PCOLCE: variants seen among roughly 807,000 people sequenced by gnomAD.
PCOLCE encodes procollagen C-endopeptidase enhancer 1.
A neutral mutation model predicts 47.2 loss-of-function variants in PCOLCE; 33 were observed. That is an observed-to-expected ratio of 0.70 (90% CI 0.53 to 0.93). The LOEUF is 0.93. Ranked by LOEUF, PCOLCE falls within the 40% of genes least tolerant of loss-of-function variation. The pLI is 0.00. For missense variants in PCOLCE, 584 were observed against 585.3 expected, an observed-to-expected ratio of 1.00 and a Z score of 0.02; for synonymous variants, 254 against 252.5, an observed-to-expected ratio of 1.01 and a Z score of -0.06.
At position 100,604,105 on chromosome 7, in the gene PCOLCE, T is replaced by G; in HGVS notation, c.351T>G (p.Pro117=). The G allele has an allele frequency of 1.2e-6, 2 of 1,611,100 alleles. No homozygotes were observed. The highest frequency in any genetic ancestry group is 1.7e-6 in the Non-Finnish European group (2 of 1,179,982). ...GACGCTTTTGTGGGACCTTCCGGCC[T>G]GCGCCCCTAGTCGCCCCCGGCAACC... ...RLGRFCGTFR[P]APLVAPGNQV... The change falls in exon 3 of 9, where the codon CCT becomes CCG. Residue 117 remains proline (P), a synonymous_variant. Coordinates refer to ENST00000223061, the MANE Select transcript of PCOLCE (RefSeq NM_002593.4). The surrounding 1 kb of genome is among the most constrained non-coding windows in gnomAD (Gnocchi z 6.4).
At chr7:100,607,392 T>C (rs977685879) in intron 6 of PCOLCE, 60 bp from the exon 7 acceptor site, 11 of 1,342,578 alleles carry the variant, frequency 8.2e-6, no homozygotes, top group Admixed American at 5.1e-5. Context: ...GAGGCTGTTA[T>C]GGGGACAGTG....
Position 100,605,296 on chromosome 7 carries a change from A to T in PCOLCE, c.588+81A>T, listed in dbSNP as rs1279128981. Reference sequence around the variant, plus strand: ...TGCAGCCAGCAGAGATTTATTGAAGATCTGCTGTGTCCCGAGCACTGCGCT... The same window carrying T: ...TGCAGCCAGCAGAGATTTATTGAAGTTCTGCTGTGTCCCGAGCACTGCGCT... On this transcript the variant is annotated intron_variant, in intron 4 of 8. Transcript: ENST00000223061. The surrounding 1 kb of genome is among the most constrained non-coding windows in gnomAD (Gnocchi z 6.1). 2 of 1,419,724 alleles carry T rather than the reference A, an allele frequency of 1.4e-6. No individual in the cohort carries two copies. The highest frequency in any genetic ancestry group is 1.9e-6 in the Non-Finnish European group (2 of 1,034,232). The allele number at this position is 1,419,724 out of a possible 1,614,324, so 87.9% of individuals were successfully genotyped here. A position where few individuals can be genotyped will look rare whatever the true frequency, so the allele number is the denominator to read the frequency against.
Position 100,603,951 on chromosome 7 carries a change from G to A in PCOLCE, c.205-8G>A, listed in dbSNP as rs1384361912. The A allele has an allele frequency of 8.8e-6, 14 of 1,599,576 alleles. No individual in the cohort carries two copies. The highest frequency in any genetic ancestry group is 1.2e-5 in the Non-Finnish European group (14 of 1,179,096). On this transcript the variant is annotated splice_region_variant and splice_polypyrimidine_tract_variant and intron_variant, in intron 2 of 8. Coordinates refer to ENST00000223061, the MANE Select transcript of PCOLCE (RefSeq NM_002593.4). ...TCTGTGGGTCCCCGCCTCTGTCCCC[G>A]CTATCAGGTCCCCGAGGGCCAGACT... is the stretch of plus-strand genomic sequence containing the variant.
rs140195402 is a variant in PCOLCE, at chr7:100,605,690, C to G, written c.603C>G (p.Thr201=). The G allele has an allele frequency of 1.0e-5, 16 of 1,583,530 alleles. No individual in the cohort carries two copies. The highest frequency in any genetic ancestry group is 3.3e-4 in the Middle Eastern group (2 of 6,024). ...IAPPDQVIAL[T]FEKFDLEPDT... is the part of the protein sequence containing the mutation. The stretch of plus-strand genomic sequence containing the variant: ...CCCGCCGCCAGGTCATCGCGCTGAC[C>G]TTCGAGAAGTTTGACCTGGAGCCGG... Residue 201 remains threonine (T), a synonymous_variant, in exon 5 of 9, where the codon ACC becomes ACG. Transcript: ENST00000223061. This position sits in a 1 kb window ranked among gnomAD's most constrained non-coding sequence, Gnocchi z 6.1.
At position 100,603,044 on chromosome 7, in the gene PCOLCE, T is replaced by TC. The variant is rs1243574806; in HGVS notation, c.96-379dup. On this transcript the variant is annotated intron_variant, in intron 1 of 8. Transcript: ENST00000223061. ...CAGCTCCCTCCATCTCTCCACCCCCTCCCCCCCACCGCCTCGTGGCTGTGT... is the reference window on the plus strand; with the variant it reads ...CAGCTCCCTCCATCTCTCCACCCCCTCCCCCCCCACCGCCTCGTGGCTGTGT... The TC allele has an allele frequency of 1.0e-4, 23 of 222,918 alleles. No homozygotes were observed. The South Asian group carries it at 1.3e-3, about 13-fold the overall frequency. The allele number at this position is 222,918 out of a possible 1,614,324, so 13.8% of individuals were successfully genotyped here.
At position 100,607,435 on chromosome 7, in the gene PCOLCE, AC is replaced by A; in HGVS notation, c.941-14del. On this transcript the variant is annotated splice_polypyrimidine_tract_variant and intron_variant, in intron 6 of 8. Coordinates refer to ENST00000223061, the MANE Select transcript of PCOLCE (RefSeq NM_002593.4). Reference sequence around the variant, plus strand: ...CTACCTGCTGAGCAGGTCACCCTCCACCCTCCTCCCTCCTAGATGCACCCAC... The same window carrying A: ...CTACCTGCTGAGCAGGTCACCCTCCACCTCCTCCCTCCTAGATGCACCCAC... 1 of 1,601,930 alleles carries A rather than the reference AC, an allele frequency of 6.2e-7. No homozygotes were observed. The highest frequency in any genetic ancestry group is 8.5e-7 in the Non-Finnish European group (1 of 1,169,810).
intron 6 of PCOLCE, 40 bp downstream of exon 6, chr7:100,606,670 G>A (rs1335935722): frequency 3.4e-6 from 5 of 1,491,230 alleles, no homozygotes; most frequent in Admixed American, 2.1e-5. Flanking sequence ...ACAGACTGAA[G>A]GGGGCCATTT....
intron 1 of PCOLCE, 58 bp from the exon 2 acceptor site, chr7:100,603,372 C>G (rs2131286754): frequency 1.2e-6 from 1 of 843,828 alleles, no homozygotes; most frequent in East Asian, 2.6e-5. Flanking sequence ...CCCATCTTGC[C>G]AGTGCTCCCC....
In PCOLCE at chr7:100,602,518, C is replaced by A. The variant is rs1490089000; in HGVS notation, c.62C>A (p.Pro21His). 6.2e-7 allele frequency: 1 copy of A among 1,612,808 alleles called. No homozygotes were observed. Among genetic ancestry groups the A allele is most frequent in the Middle Eastern group, 1.7e-4 (1 of 6,060 alleles). The change falls in exon 1 of 9, where the codon CCT becomes CAT. Residue 21 changes from proline (P) to histidine (H), a missense_variant. Transcript: ENST00000223061. ...CTCCTCACTGCCTGCGCCCTGCTGC[C>A]TTTTGCCCAGGGCCAGACCCCCAAC... ...GPLLTACALL[P>H]FAQGQTPNYT...
intron 1 of PCOLCE, chr7:100,602,990 CAGG>C: frequency 4.6e-6 from 1 of 218,816 alleles, no homozygotes; most frequent in Non-Finnish European, 8.9e-6. Flanking sequence ...GCCTGGCCTC[CAGG>C]TTCAATCAGA....
In PCOLCE at chr7:100,608,067, C is replaced by T. The variant is rs752138963; in HGVS notation, c.1314C>T (p.Pro438=). The stretch of plus-strand genomic sequence containing the variant: ...CCAACCTAAGCAAGAGGAAGTGCCC[C>T]TCTCAACCTGTGCGGGCTGCTGCGT... The part of the protein sequence containing the change: ...ILTNLSKRKC[P]SQPVRAAASQ... Residue 438 remains proline (P), a synonymous_variant, in exon 9 of 9, where the codon CCC becomes CCT. Coordinates refer to ENST00000223061, the MANE Select transcript of PCOLCE (RefSeq NM_002593.4). 7 of 1,613,910 alleles carry T rather than the reference C, an allele frequency of 4.3e-6. No individual in the cohort carries two copies. The South Asian group carries it at 6.6e-5, about 15-fold the overall frequency.
Position 100,604,382 on chromosome 7 carries a change from C to T in PCOLCE, c.463+165C>T, listed in dbSNP as rs751663944. The T allele has an allele frequency of 3.2e-6, 2 of 630,102 alleles. No homozygotes were observed. The highest frequency in any genetic ancestry group is 3.8e-5 in the South Asian group (2 of 52,858). 39.0% of individuals were successfully genotyped at this position (630,102 alleles called of 1,614,324 possible). On this transcript the variant is annotated intron_variant, in intron 3 of 8. Coordinates refer to ENST00000223061, the MANE Select transcript of PCOLCE (RefSeq NM_002593.4). The surrounding 1 kb of genome is among the most constrained non-coding windows in gnomAD (Gnocchi z 6.4). The stretch of plus-strand genomic sequence containing the variant: ...CTAACCGCCCCTTCAGTCCCTCCTC[C>T]CCGTCTTCTCTCCCCTCCTCCCGCA...
chr7:100,607,095 A>AAAAAAAAAAAAAAAAAC (rs1261784544), intron 6 of PCOLCE, among the ~76,000 whole-genome samples: 3 of 151,672 alleles, frequency 2.0e-5, no homozygotes, highest in African/African-American at 7.3e-5. Context: ...TGTCTCAAAA[A>AAAAAAAAAAAAAAAAAC]AAAAAAAAAA....
chr7:100,602,687 T>C, intron 1 of PCOLCE, 136 bp downstream of exon 1: 1 of 651,916 alleles, frequency 1.5e-6, no homozygotes. Flanking sequence ...CACCCTTCTC[T>C]GGCCCCCAAA....
Position 100,604,197 on chromosome 7 carries a change from G to C in PCOLCE, c.443G>C (p.Gly148Ala). The change falls in exon 3 of 9, where the codon GGG (glycine) becomes GCG (alanine). Residue 148 changes from glycine to alanine, a missense_variant. Transcript: ENST00000223061. The surrounding 1 kb of genome is among the most constrained non-coding windows in gnomAD (Gnocchi z 6.4). ...GGRGFLLWYSGRATSGTEHQF... is the reference protein window; with the variant it reads ...GGRGFLLWYSARATSGTEHQF... ...CGAGGCTTCCTGCTCTGGTACAGCG[G>C]GCGGGCCACCTCGGGCACTGGTGAG... 6.2e-7 allele frequency: 1 copy of C among 1,612,246 alleles called. No homozygotes were observed. Among genetic ancestry groups the C allele is most frequent in the Non-Finnish European group, 8.5e-7 (1 of 1,179,880 alleles).
In PCOLCE at chr7:100,605,057, GC is replaced by G; in HGVS notation, c.464-28del. On this transcript the variant is annotated intron_variant, in intron 3 of 8. Transcript: ENST00000223061. This position sits in a 1 kb window ranked among gnomAD's most constrained non-coding sequence, Gnocchi z 6.1. ...CTGAAGCTGACCGAGGGTCTCCACCGCCCCCCACCCCCGCTCCTCTCTCCCC... is the reference window on the plus strand; with the variant it reads ...CTGAAGCTGACCGAGGGTCTCCACCGCCCCCACCCCCGCTCCTCTCTCCCC... 13 of 1,540,036 alleles carry G rather than the reference GC, an allele frequency of 8.4e-6. No individual in the cohort carries two copies. The highest frequency in any genetic ancestry group is 1.1e-5 in the Non-Finnish European group (12 of 1,119,072).
chr7:100,602,422 T>G lies in PCOLCE; in HGVS notation c.-35T>G. On this transcript the variant is annotated 5_prime_UTR_variant, in exon 1 of 9. Transcript: ENST00000223061. ...CTCTGCAAAATTCAGCTGCTGCCTC[T>G]GTCTTGAGGACCCCAGCGCCTTTCC... The G allele has an allele frequency of 7.2e-7, 1 of 1,383,962 alleles. No individual in the cohort carries two copies. Among genetic ancestry groups the G allele is most frequent in the South Asian group, 1.2e-5 (1 of 86,660 alleles). 85.7% of individuals were successfully genotyped at this position (1,383,962 alleles called of 1,614,324 possible).
chr7:100,603,814 C>A, intron 2 of PCOLCE, 145 bp from the exon 3 acceptor site: 1 of 883,672 alleles, frequency 1.1e-6, no homozygotes, highest in Non-Finnish European at 1.7e-6. Context: ...GCTGCAGAGA[C>A]CAGGCCCTCT....
At position 100,605,170 on chromosome 7, in the gene PCOLCE, C is replaced by T. The variant is rs146148281; in HGVS notation, c.543C>T (p.Pro181=). 1.2e-4 allele frequency: 192 copies of T among 1,613,074 alleles called. No individual in the cohort carries two copies. The highest frequency in any genetic ancestry group is 1.5e-4 in the Non-Finnish European group (176 of 1,179,750). ...TTPNWPESDY[P]PGISCSWHII... is the part of the protein sequence containing the mutation. The stretch of plus-strand genomic sequence containing the variant: ...CCAACTGGCCCGAGTCCGATTACCC[C>T]CCGGGCATCAGCTGTTCCTGGCACA... Residue 181 remains proline, a synonymous_variant, in exon 4 of 9, where the codon CCC becomes CCT. Transcript: ENST00000223061. The surrounding 1 kb of genome is among the most constrained non-coding windows in gnomAD (Gnocchi z 6.1).
Sources: gnomAD v4.1 joint callset for allele counts (sites outside exome capture counted in the v4.1 genomes callset) on GRCh38, gnomAD v4.1.1 for gene constraint, Gnocchi (gnomAD v3.1) non-coding constraint, MANE v1.5 for transcripts, NCBI Gene and HGNC (gene_info 2026-07-23, HGNC 2026-07-21) for gene names.